The following ECHS1 variants were observed in gnomAD, a reference collection of about 807,000 sequenced individuals.
ECHS1 encodes the protein enoyl-CoA hydratase, short chain 1.
In ECHS1, 19 loss-of-function variants were observed where a neutral mutation model predicts 33.5. The observed-to-expected ratio is 0.57, with a 90% CI of 0.40 to 0.83. The LOEUF (loss-of-function observed/expected upper bound fraction) is 0.83. Ranked by LOEUF, ECHS1 falls within the 40% of genes least tolerant of loss-of-function variation. The pLI, the probability that ECHS1 is intolerant of heterozygous loss-of-function variation, is 0.00. For missense variants in ECHS1, 365 were observed against 381.3 expected (o/e 0.96, Z 0.36); for synonymous variants, 158 against 146.6 (o/e 1.08, Z -0.56).
intron 7 of ECHS1, among the ~76,000 whole-genome samples, chr10:133,363,170 A>G (rs1441512402): frequency 6.6e-6 from 1 of 152,186 alleles, no homozygotes; most frequent in Non-Finnish European, 1.5e-5. Flanking sequence ...GCCACTGTGT[A>G]TGTCCAACAA....
Position 133,370,598 on chromosome 10 carries a change from C to T in ECHS1, c.248G>A (p.Gly83Glu), listed in dbSNP as rs749433804. 6.2e-7 allele frequency: 1 copy of T among 1,608,750 alleles called. No homozygotes were observed. The highest frequency in any genetic ancestry group is 8.5e-7 in the Non-Finnish European group (1 of 1,178,104). Residue 83 changes from glycine (G) to glutamate (E), a missense_variant, in exon 2 of 8, where the codon GGG becomes GAG. Coordinates refer to ENST00000368547, the MANE Select transcript of ECHS1 (RefSeq NM_004092.4). ...ATCCCCGCCGGTGAGGACAATGGCC[C>T]CCACGGCCGGGTCCTCCTCGAAGGT... ...LKTFEEDPAV[G>E]AIVLTGGDKA...
Position 133,362,916 on chromosome 10 carries a change from C to T in ECHS1, c.825G>A (p.Gly275=), listed in dbSNP as rs1369880727. 13 of 1,614,140 alleles carry T rather than the reference C, an allele frequency of 8.1e-6. No individual in the cohort carries two copies. In the Middle Eastern group the frequency reaches 5.0e-4, roughly 61 times the overall value. ...TTCTCTTTTCCACAAACGCGGTCAT[C>T]CCTTCTTTCCGGTCATCCTGGCAGG... ...STFATDDRKE[G]MTAFVEKRKA... The change falls in exon 8 of 8, where the codon GGG becomes GGA. Residue 275 remains glycine (G), a synonymous_variant. Transcript: ENST00000368547.
intron 2 of ECHS1, 60 bp downstream of exon 2, chr10:133,370,500 C>G: frequency 7.0e-7 from 1 of 1,437,590 alleles, no homozygotes; most frequent in Non-Finnish European, 9.2e-7. Context: ...AGGCTTCTCC[C>G]AAGGCCATAC....
intron 6 of ECHS1, among the ~76,000 whole-genome samples, chr10:133,365,219 C>T (rs944188752): frequency 7.1e-4 from 108 of 152,334 alleles, no homozygotes; most frequent in African/African-American, 2.5e-3. Context: ...GGCTCCAGGG[C>T]TGGTGCCAGC....
Position 133,373,350 on chromosome 10 carries a change from C to A in ECHS1, c.-17G>T, listed in dbSNP as rs1479343441. 6 of 1,490,500 alleles carry A rather than the reference C, an allele frequency of 4.0e-6. No individual in the cohort carries two copies. Among genetic ancestry groups the A allele is most frequent in the East Asian group, 2.9e-5 (1 of 34,330 alleles). The allele number at this position is 1,490,500 out of a possible 1,614,324, so 92.3% of individuals were successfully genotyped here. A position where few individuals can be genotyped will look rare whatever the true frequency, so the allele number is the denominator to read the frequency against. On this transcript the variant is annotated 5_prime_UTR_variant, in exon 1 of 8. Coordinates refer to ENST00000368547, the MANE Select transcript of ECHS1 (RefSeq NM_004092.4). ...GGCGGCCATGGCTCTCTGGACTCCT[C>A]GCCCGGCCCCGCGGAGCCGCCCCCT...
chr10:133,373,271 A>G lies in ECHS1; in HGVS notation c.63T>C (p.Cys21=). 6.8e-7 allele frequency: 1 copy of G among 1,462,582 alleles called. No individual in the cohort carries two copies. Among genetic ancestry groups the G allele is most frequent in the Non-Finnish European group, 9.0e-7 (1 of 1,113,622 alleles). The allele number at this position is 1,462,582 out of a possible 1,614,324, so 90.6% of individuals were successfully genotyped here. ...VRGPLRPPVR[C]PAWRPFASGA... is the part of the protein sequence containing the mutation. Reference sequence around the variant, plus strand: ...CCGAGGCGAAGGGACGCCAGGCGGGACAGCGAACCGGGGGCCTCAGCGGGC... The same window carrying G: ...CCGAGGCGAAGGGACGCCAGGCGGGGCAGCGAACCGGGGGCCTCAGCGGGC... Residue 21 remains cysteine, a synonymous_variant, in exon 1 of 8, where the codon TGT becomes TGC. Coordinates refer to ENST00000368547, the MANE Select transcript of ECHS1 (RefSeq NM_004092.4).
intron 7 of ECHS1, among the ~76,000 whole-genome samples, chr10:133,363,189 C>A (rs1326980987): frequency 6.6e-6 from 1 of 152,230 alleles, no homozygotes. Flanking sequence ...AAGCTCACAT[C>A]TAAAGAGCCT....
chr10:133,373,049 G>C, intron 1 of ECHS1, among the ~76,000 whole-genome samples, 197 bp downstream of exon 1: 1 of 82,542 alleles, frequency 1.2e-5, no homozygotes, highest in South Asian at 5.1e-4. Context: ...TCAGGCGGGG[G>C]GGTGCGGGGT....
Position 133,362,863 on chromosome 10 carries a change from G to T in ECHS1, c.*5C>A, listed in dbSNP as rs765943111. The T allele has an allele frequency of 2.5e-6, 4 of 1,613,996 alleles. No individual in the cohort carries two copies. Among genetic ancestry groups the T allele is most frequent in the Non-Finnish European group, 3.4e-6 (4 of 1,179,994 alleles). On this transcript the variant is annotated 3_prime_UTR_variant, in exon 8 of 8. Transcript: ENST00000368547. ...GCAGAGGTGTGAAGCAGGGGCAGCT[G>T]GTTCTCACTGGTCTTTGAAGTTGGC...
intron 5 of ECHS1, 81 bp downstream of exon 5, chr10:133,366,808 C>T: frequency 9.0e-7 from 1 of 1,111,738 alleles, no homozygotes; most frequent in Non-Finnish European, 1.3e-6. Context: ...CCGAGGGGGA[C>T]ACCTGGATGC....
rs142639185 is a variant in ECHS1 at position 133,366,003 on chromosome 10, C to G, written c.712G>C (p.Ala238Pro). 3.1e-6 allele frequency: 5 copies of G among 1,613,884 alleles called. No individual in the cohort carries two copies. In the Admixed American group the frequency reaches 6.7e-5, roughly 22 times the overall value. Residue 238 changes from alanine (A) to proline (P), a missense_variant, in exon 6 of 8, where the codon GCG becomes CCG. Transcript: ENST00000368547. ...GCATTCACTGATTCTTTGGCCATCG[C>G]TACTACAATTTTAGAATTGCTGGCA... ...KIASNSKIVVAMAKESVNAAF... is the reference protein window; with the variant it reads ...KIASNSKIVVPMAKESVNAAF...
At position 133,364,702 on chromosome 10, in the gene ECHS1, C is replaced by T; in HGVS notation, c.763G>A (p.Gly255Arg). Residue 255 changes from glycine (G) to arginine (R), a missense_variant, in exon 7 of 8, where the codon GGA becomes AGA. Transcript: ENST00000368547. ...AAGAGTTTCTTCTCCAACTTACTTC[C>T]TTCTGTTAATGTCATTTCAAAAGCT... ...NAAFEMTLTE[G>R]SKLEKKLFYS... 6.2e-7 allele frequency: 1 copy of T among 1,613,890 alleles called. No homozygotes were observed. Among genetic ancestry groups the T allele is most frequent in the Non-Finnish European group, 8.5e-7 (1 of 1,179,860 alleles).
At chr10:133,367,761 G>A (rs1319368444) in intron 4 of ECHS1, among the ~76,000 whole-genome samples, 1 of 151,524 alleles carries the variant, frequency 6.6e-6, no homozygotes, top group Non-Finnish European at 1.5e-5. Context: ...GAAGTTCGTA[G>A]CAGATAGTGG....
In ECHS1 at chr10:133,368,974, C is replaced by A; in HGVS notation, c.463G>T (p.Gly155Cys). 1 of 1,613,720 alleles carries A rather than the reference C, an allele frequency of 6.2e-7. No homozygotes were observed. The highest frequency in any genetic ancestry group is 8.5e-7 in the Non-Finnish European group (1 of 1,179,938). The change falls in exon 4 of 8, where the codon GGT (glycine) becomes TGT (cysteine). Residue 155 changes from glycine to cysteine, a missense_variant. Physicochemically the swap from Gly to Cys is radical, Grantham distance 159. Transcript: ENST00000368547. Reference protein sequence around the residue: ...LAMMCDIIYAGEKAQFAQPEI... With the variant: ...LAMMCDIIYACEKAQFAQPEI... ...GGCTGTGCAAACTGGGCCTTCTCAC[C>A]GGCATAGATGATATCACACATCATG...
Position 133,373,262 on chromosome 10 carries a change from C to A in ECHS1, c.72G>T (p.Trp24Cys). 1.4e-6 allele frequency: 2 copies of A among 1,445,518 alleles called. No homozygotes were observed. The highest frequency in any genetic ancestry group is 1.8e-6 in the Non-Finnish European group (2 of 1,107,918). The allele number at this position is 1,445,518 out of a possible 1,614,324, so 89.5% of individuals were successfully genotyped here. The change falls in exon 1 of 8, where the codon TGG becomes TGT. Residue 24 changes from tryptophan (W) to cysteine (C), a missense_variant. By Grantham distance (215) the Trp-to-Cys change is radical (BLOSUM62 -2). Transcript: ENST00000368547. ...CGCACTCACCCGAGGCGAAGGGACG[C>A]CAGGCGGGACAGCGAACCGGGGGCC... is the stretch of plus-strand genomic sequence containing the variant. ...PLRPPVRCPAWRPFASGANFE... is the reference protein window; with the variant it reads ...PLRPPVRCPACRPFASGANFE...
chr10:133,372,434 C>T (rs907168051), intron 1 of ECHS1, among the ~76,000 whole-genome samples: 31 of 152,216 alleles, frequency 2.0e-4, no homozygotes, highest in African/African-American at 7.2e-4. Flanking sequence ...TCCCTTAGGA[C>T]CCTCTGAGGG....
intron 6 of ECHS1, among the ~76,000 whole-genome samples, 170 bp from the exon 7 acceptor site, chr10:133,364,895 G>A (rs1849009479): frequency 6.6e-6 from 1 of 152,180 alleles, no homozygotes; most frequent in Non-Finnish European, 1.5e-5. Flanking sequence ...TGCCCCAGCG[G>A]AGACCTGGCA....
chr10:133,363,380 C>CGCATCTATCTGT (rs56046171), intron 7 of ECHS1, among the ~76,000 whole-genome samples: 1 of 151,198 alleles, frequency 6.6e-6, no homozygotes, highest in Non-Finnish European at 1.5e-5. Flanking sequence ...CACACACACA[C>CGCATCTATCTGT]ACACGCATCT....
rs760142392 is a variant in ECHS1, at chr10:133,369,978, T to C, written c.340A>G (p.Ser114Gly). ...QNLSFQDCYS[S>G]KFLKHWDHLT... ...TGGTCCCAGTGCTTCAAGAACTTGC[T>C]GGAGTAACAGTCCTGGAAACTCAGG... Residue 114 changes from serine to glycine, a missense_variant, in exon 3 of 8, where the codon AGC becomes GGC. Physicochemically the swap from Ser to Gly is moderately conservative, Grantham distance 56. Transcript: ENST00000368547. The C allele has an allele frequency of 1.2e-6, 2 of 1,613,942 alleles. No homozygotes were observed. The highest frequency in any genetic ancestry group is 3.3e-5 in the Admixed American group (2 of 60,026).
Sources: allele counts gnomAD v4.1 joint callset (sites outside exome capture counted in the v4.1 genomes callset), GRCh38; gene constraint gnomAD v4.1.1; transcripts MANE v1.5; gene names NCBI Gene and HGNC (gene_info 2026-07-23, HGNC 2026-07-21).